The following YIPF1 variants were observed in gnomAD, a reference collection of about 807,000 sequenced individuals.
YIPF1 encodes the protein protein YIPF1.
In YIPF1, 22 loss-of-function variants were observed where a neutral mutation model predicts 37.0. The ratio of observed to expected loss-of-function variants is 0.59; its 90% CI spans 0.42 to 0.85. The LOEUF is 0.85. Among genes scored for constraint, YIPF1 ranks in the 40% least tolerant of loss-of-function variants. The pLI, the probability that YIPF1 is intolerant of heterozygous loss-of-function variation, is 0.00. For synonymous variants in YIPF1, 128 were observed against 131.9 expected, an observed-to-expected ratio of 0.97 and a Z score of 0.21; for missense variants, 355 against 373.1, an observed-to-expected ratio of 0.95 and a Z score of 0.40.
At chr1:53,882,942 C>T (rs764861750) in intron 4 of YIPF1, 171 bp downstream of exon 4, 49 of 624,556 alleles carry the variant, frequency 7.8e-5, no homozygotes, top group South Asian at 2.8e-4. Context: ...AGTGTACTTA[C>T]GGAAAGTAAT....
rs1439476052 is a variant in YIPF1, at chr1:53,871,492, C to A, written c.365-4G>T. 2 of 1,605,452 alleles carry A rather than the reference C, an allele frequency of 1.2e-6. No individual in the cohort carries two copies. Among genetic ancestry groups the A allele is most frequent in the Admixed American group, 1.7e-5 (1 of 59,088 alleles). On this transcript the variant is annotated splice_region_variant and splice_polypyrimidine_tract_variant and intron_variant, in intron 6 of 10. Coordinates refer to ENST00000072644, the MANE Select transcript of YIPF1 (RefSeq NM_018982.5). Reference sequence around the variant, plus strand: ...GTGGCACATATCCAAAAGGGGCCTGCAAAGGAAACCAGAAAATTCAGAAAC... The same window carrying A: ...GTGGCACATATCCAAAAGGGGCCTGAAAAGGAAACCAGAAAATTCAGAAAC...
At chr1:53,882,750 C>T (rs1477140502) in intron 4 of YIPF1, among the ~76,000 whole-genome samples, 1 of 151,046 alleles carries the variant, frequency 6.6e-6, no homozygotes, top group Non-Finnish European at 1.5e-5. Flanking sequence ...TGAGCCACCA[C>T]GCCTGGCTCC....
chr1:53,866,405 G>A (rs761300889), intron 8 of YIPF1, 23 bp from the exon 9 acceptor site: 14 of 1,609,408 alleles, frequency 8.7e-6, no homozygotes, highest in Non-Finnish European at 1.1e-5. Flanking sequence ...AAAAGGAGGA[G>A]CGGGGAGTTC....
At chr1:53,863,772 A>G (rs1423251081) in intron 9 of YIPF1, among the ~76,000 whole-genome samples, 1 of 151,784 alleles carries the variant, frequency 6.6e-6, no homozygotes. Context: ...TGAAGTCTCG[A>G]TCTGTCACCC....
chr1:53,866,692 CTTGG>C, intron 8 of YIPF1, 62 bp downstream of exon 8: 1 of 1,515,988 alleles, frequency 6.6e-7, no homozygotes, highest in Non-Finnish European at 8.9e-7. Flanking sequence ...AGGTCAAATT[CTTGG>C]TTGAAGTTTC....
At chr1:53,881,255 A>AAAAG (rs1553155720) in intron 4 of YIPF1, among the ~76,000 whole-genome samples, 17 of 150,116 alleles carry the variant, frequency 1.1e-4, no homozygotes, top group African/African-American at 3.9e-4. Flanking sequence ...AAAAAAAAAA[A>AAAAG]AAAAAAGAAA....
At chr1:53,871,875 T>C (rs1004530011) in intron 6 of YIPF1, among the ~76,000 whole-genome samples, 1 of 151,898 alleles carries the variant, frequency 6.6e-6, no homozygotes, top group Non-Finnish European at 1.5e-5. Context: ...AAGTGCCAAA[T>C]GTTAGCATCA....
intron 5 of YIPF1, 30 bp from the exon 6 acceptor site, chr1:53,878,432 G>A (rs773114251): frequency 6.2e-7 from 1 of 1,605,484 alleles, no homozygotes; most frequent in Middle Eastern, 1.7e-4. Flanking sequence ...TAATTCTACT[G>A]AAGTTTTTTA....
chr1:53,879,490 C>A (rs1650428914), intron 4 of YIPF1, among the ~76,000 whole-genome samples: 2 of 147,328 alleles, frequency 1.4e-5, no homozygotes, highest in Admixed American at 1.4e-4. Flanking sequence ...CTCTAAAGTA[C>A]TAAAAATATT....
At chr1:53,876,078 A>T (rs1287145076) in intron 6 of YIPF1, among the ~76,000 whole-genome samples, 5 of 152,242 alleles carry the variant, frequency 3.3e-5, no homozygotes, top group Non-Finnish European at 5.9e-5. Context: ...AATGAAGACA[A>T]GCCAAACTGT....
intron 3 of YIPF1, among the ~76,000 whole-genome samples, chr1:53,884,298 C>T (rs1347539428): frequency 6.7e-6 from 1 of 148,708 alleles, no homozygotes; most frequent in Non-Finnish European, 1.5e-5. Context: ...TAAAGGCAAA[C>T]ACTATTAACA....
Position 53,888,906 on chromosome 1 carries a change from C to A in YIPF1, c.31+1G>T. 6.3e-7 allele frequency: 1 copy of A among 1,590,732 alleles called. No homozygotes were observed. The highest frequency in any genetic ancestry group is 8.6e-7 in the Non-Finnish European group (1 of 1,161,060). On this transcript the variant is annotated splice_donor_variant, in intron 3 of 10. Coordinates refer to ENST00000072644, the MANE Select transcript of YIPF1 (RefSeq NM_018982.5). LOFTEE classifies it high-confidence loss of function. ...TAAAGGTGGGCACCCAACTGGTATACCTTCAAATTGCAAGTCATCTACTGC... is the reference window on the plus strand; with the variant it reads ...TAAAGGTGGGCACCCAACTGGTATAACTTCAAATTGCAAGTCATCTACTGC...
chr1:53,878,869 GC>G (rs1650406485), intron 4 of YIPF1, 147 bp from the exon 5 acceptor site: 1 of 656,522 alleles, frequency 1.5e-6, no homozygotes, highest in Non-Finnish European at 2.4e-6. Context: ...CTCTGAAATA[GC>G]CAATTCGCAA....
chr1:53,881,080 T>C (rs1342504965), intron 4 of YIPF1, among the ~76,000 whole-genome samples: 1 of 151,780 alleles, frequency 6.6e-6, no homozygotes, highest in African/African-American at 2.4e-5. Context: ...CTGGCCAATA[T>C]GGTGAAACCC....
intron 9 of YIPF1, among the ~76,000 whole-genome samples, chr1:53,861,683 A>AGGGGGGAGGGAAGGAAGGAAGGGG (rs1649883429): frequency 9.2e-6 from 1 of 108,846 alleles, no homozygotes; most frequent in Non-Finnish European, 1.8e-5. Context: ...GAAGGAAGGG[A>AGGGGGGAGGGAAGGAAGGAAGGGG]GAGAGAGAGG....
chr1:53,858,288 G>C (rs1439033502), intron 10 of YIPF1, among the ~76,000 whole-genome samples: 1 of 152,158 alleles, frequency 6.6e-6, no homozygotes, highest in East Asian at 1.9e-4. Flanking sequence ...GAACTGGAAA[G>C]CATTTGACCA....
At position 53,860,036 on chromosome 1, in the gene YIPF1, A is replaced by G; in HGVS notation, c.*8+20T>C. The G allele has an allele frequency of 6.2e-7, 1 of 1,612,730 alleles. No homozygotes were observed. The highest frequency in any genetic ancestry group is 8.5e-7 in the Non-Finnish European group (1 of 1,178,886). On this transcript the variant is annotated intron_variant, in intron 10 of 10. Transcript: ENST00000072644. ...ATGTTTTATGGCACCACACAGCAAA[A>G]TAAAAATAGAATCTCTTACTTTCCT...
At chr1:53,883,485 G>C (rs1254620290) in intron 3 of YIPF1, among the ~76,000 whole-genome samples, 1 of 152,202 alleles carries the variant, frequency 6.6e-6, no homozygotes, top group Admixed American at 6.5e-5. Context: ...TTTGGAGTCA[G>C]ACCTAGATTT....
chr1:53,859,716 T>C (rs1031838077), intron 10 of YIPF1, among the ~76,000 whole-genome samples: 1 of 151,840 alleles, frequency 6.6e-6, no homozygotes, highest in Non-Finnish European at 1.5e-5. Flanking sequence ...ACCACCAGGA[T>C]TGTTATAAAA....
Sources: gnomAD v4.1 joint callset for allele counts (sites outside exome capture counted in the v4.1 genomes callset) on GRCh38, gnomAD v4.1.1 for gene constraint, MANE v1.5 for transcripts, NCBI Gene and HGNC (gene_info 2026-07-23, HGNC 2026-07-21) for gene names.